Variants in ANKRD26 observed in about 807,000 individuals in gnomAD.
ANKRD26 encodes ankyrin repeat domain-containing protein 26.
Under a neutral mutation model 208.7 loss-of-function variants are expected in ANKRD26, and 141 were observed. The ratio of observed to expected loss-of-function variants is 0.68; its 90% CI spans 0.59 to 0.78. The LOEUF is 0.78. Among genes scored for constraint, ANKRD26 ranks in the 30% least tolerant of loss-of-function variants. The probability of loss-of-function intolerance (pLI) is 0.00; values close to 1 mark genes in which losing one functional copy is unlikely to be tolerated. For synonymous variants in ANKRD26, 636 were observed against 660.4 expected, an observed-to-expected ratio of 0.96 and a Z score of 0.57; for missense variants, 1,889 against 1,938.7, an observed-to-expected ratio of 0.97 and a Z score of 0.48.
Position 27,035,420 on chromosome 10 carries a change from A to G in ANKRD26, c.3030T>C (p.His1010=). Residue 1010 remains histidine, a synonymous_variant, in exon 24 of 34, where the codon CAT becomes CAC. Coordinates refer to ENST00000376087, the MANE Select transcript of ANKRD26 (RefSeq NM_014915.3). ...CATGTATAGCAGCAGCCAATCTAGA[A>G]TGGTATGATTCAACTTCTGCTTCCA... ...ERLEAEVESY[H]SRLAAAIHDR... is the part of the protein sequence containing the mutation. The G allele has an allele frequency of 6.2e-7, 1 of 1,614,012 alleles. No individual in the cohort carries two copies. The highest frequency in any genetic ancestry group is 8.5e-7 in the Non-Finnish European group (1 of 1,179,948).
Position 27,035,304 on chromosome 10 carries a change from T to C in ANKRD26, c.3146A>G (p.Asn1049Ser), listed in dbSNP as rs2054007653. 1.2e-6 allele frequency: 2 copies of C among 1,613,894 alleles called. No individual in the cohort carries two copies. The highest frequency in any genetic ancestry group is 4.5e-5 in the East Asian group (2 of 44,868). ...ATCTTTTAGGTTAGACACATCAAAATTCATTTTGTCCTGTAAACGAGAACA... is the reference window on the plus strand; with the variant it reads ...ATCTTTTAGGTTAGACACATCAAAACTCATTTTGTCCTGTAAACGAGAACA... ...DECSRLQDKMNFDVSNLKDNN... is the reference protein window; with the variant it reads ...DECSRLQDKMSFDVSNLKDNN... The change falls in exon 24 of 34, where the codon AAT becomes AGT. Residue 1049 changes from asparagine (N) to serine (S), a missense_variant. Asn to Ser is a conservative substitution (Grantham distance 46). This residue lies in a region of ANKRD26 where 1,272 missense variants were observed against 1,273.8 expected (regional missense o/e 1.00). Transcript: ENST00000376087.
intron 6 of ANKRD26, chr10:27,080,806 G>A: frequency 1.0e-6 from 1 of 985,446 alleles, no homozygotes; most frequent in Non-Finnish European, 1.2e-6. Context: ...TCTGTCATCT[G>A]CCAGCAGCAC....
chr10:27,093,840 G>A (rs908253092), intron 1 of ANKRD26, 41 bp from the exon 2 acceptor site: 10 of 1,389,102 alleles, frequency 7.2e-6, no homozygotes, highest in Admixed American at 1.7e-5. Flanking sequence ...GTAGTGCACT[G>A]TCTCAAAACA....
At position 27,035,254 on chromosome 10, in the gene ANKRD26, G is replaced by A; in HGVS notation, c.3196C>T (p.Leu1066=). The A allele has an allele frequency of 6.2e-7, 1 of 1,613,956 alleles. No homozygotes were observed. The stretch of plus-strand genomic sequence containing the variant: ...TTGAGTTTACTTTCAGTTTTAAATA[G>A]TTGTTGAGAAAGAATCTCATTGTTA... ...KDNNEILSQQ[L]FKTESKLNSL... The change falls in exon 24 of 34, where the codon CTA becomes TTA. Residue 1066 remains leucine (L), a synonymous_variant. Transcript: ENST00000376087.
intron 1 of ANKRD26, among the ~76,000 whole-genome samples, chr10:27,096,678 A>C (rs146661646): frequency 0.02 from 3,071 of 150,530 alleles, 146 homozygotes; most frequent in East Asian, 0.16. Context: ...AGGCACGAGA[A>C]TTGCTTGAAC....
chr10:27,082,680 A>T, intron 6 of ANKRD26, 123 bp downstream of exon 6: 1 of 1,380,840 alleles, frequency 7.2e-7, no homozygotes, highest in Non-Finnish European at 9.6e-7. Context: ...GATACTTTGC[A>T]AAGCTGTTGG....
At chr10:27,038,110 T>C in intron 21 of ANKRD26, 56 bp from the exon 22 acceptor site, 1 of 1,410,322 alleles carries the variant, frequency 7.1e-7, no homozygotes, top group Admixed American at 1.8e-5. Context: ...AAAAAGTTCA[T>C]TGTGTGATAT....
intron 11 of ANKRD26, among the ~76,000 whole-genome samples, chr10:27,065,513 A>G (rs914651630): frequency 2.0e-5 from 3 of 152,086 alleles, no homozygotes; most frequent in Non-Finnish European, 4.4e-5. Context: ...TTTTCTTGAC[A>G]CTACTGCCTT....
chr10:27,033,145 C>A, intron 25 of ANKRD26, 80 bp downstream of exon 25: 1 of 1,012,000 alleles, frequency 9.9e-7, no homozygotes, highest in Non-Finnish European at 1.4e-6. Context: ...AGAAGGCTAC[C>A]CACTAAATTA....
At chr10:26,965,217 C>T in the ANKRD26 span, among the ~76,000 whole-genome samples, 1 of 152,148 alleles carries the variant, frequency 6.6e-6, no homozygotes, top group Admixed American at 6.5e-5. Context: ...CATCACGCTA[C>T]CTGACTTCAA....
At chr10:27,045,821 T>C (rs1238065712) in intron 18 of ANKRD26, among the ~76,000 whole-genome samples, 2 of 152,234 alleles carry the variant, frequency 1.3e-5, no homozygotes, top group African/African-American at 2.4e-5. Context: ...CATTCAATTA[T>C]ATTACAATAC....
intron 21 of ANKRD26, among the ~76,000 whole-genome samples, chr10:27,039,743 C>G (rs770339831): frequency 9.9e-5 from 15 of 152,168 alleles, no homozygotes; most frequent in Non-Finnish European, 1.5e-4. Flanking sequence ...GTCTTCCATA[C>G]GACAAACTTC....
chr10:27,086,201 T>C (rs912052613), intron 5 of ANKRD26, among the ~76,000 whole-genome samples: 17 of 152,164 alleles, frequency 1.1e-4, no homozygotes, highest in Non-Finnish European at 5.9e-5. Flanking sequence ...CCATTTTTTA[T>C]AACAAGTCTA....
intron 16 of ANKRD26, among the ~76,000 whole-genome samples, chr10:27,050,485 T>C (rs1037941392): frequency 7.9e-5 from 12 of 152,156 alleles, no homozygotes; most frequent in African/African-American, 2.9e-4. Context: ...AGTACATGTA[T>C]TTGTTGTCAA....
intron 23 of ANKRD26, among the ~76,000 whole-genome samples, chr10:27,036,281 T>C (rs555477551): frequency 6.6e-6 from 1 of 152,150 alleles, no homozygotes; most frequent in East Asian, 1.9e-4. Flanking sequence ...AATCTAGGCA[T>C]TGTACTAAGC....
At chr10:27,002,402 C>A (rs943889232), downstream of ANKRD26, among the ~76,000 whole-genome samples, 3 of 152,184 alleles carry the variant, frequency 2.0e-5, no homozygotes, top group Non-Finnish European at 4.4e-5. Context: ...CCCTTGTCTG[C>A]GTGGGTTTCC....
intron 3 of ANKRD26, among the ~76,000 whole-genome samples, chr10:27,093,140 A>G (rs145331343): frequency 1.2e-4 from 19 of 152,326 alleles, no homozygotes; most frequent in African/African-American, 4.6e-4. Context: ...AAGTATTTAC[A>G]ATAAATGCAT....
chr10:26,973,900 A>G (rs1361404229), exon 6 of ANKRD26, among the ~76,000 whole-genome samples: 2 of 150,476 alleles, frequency 1.3e-5, no homozygotes, highest in Admixed American at 6.6e-5. Flanking sequence ...CAGGTGATCC[A>G]CCCACCTCGG....
intron 5 of ANKRD26, among the ~76,000 whole-genome samples, chr10:26,977,557 A>G (rs2052245691): frequency 6.6e-6 from 1 of 152,196 alleles, no homozygotes; most frequent in African/African-American, 2.4e-5. Context: ...AGATAAAAAT[A>G]TGCATTTTGC....
Sources: allele counts gnomAD v4.1 joint callset (sites outside exome capture counted in the v4.1 genomes callset), GRCh38; gene constraint gnomAD v4.1.1; regional missense constraint gnomAD v4.1.1; transcripts MANE v1.5; gene names NCBI Gene and HGNC (gene_info 2026-07-23, HGNC 2026-07-21).